DACH1: variants seen among roughly 807,000 people sequenced by gnomAD.
The protein encoded by DACH1 is dachshund family transcription factor 1.
DACH1 carries 12 observed loss-of-function variants against 54.2 expected under a neutral mutation model. That is an observed-to-expected ratio of 0.22 (90% confidence interval 0.14 to 0.36). The LOEUF is 0.36. DACH1 is among the 10% of genes least tolerant of loss of function. DACH1 has a pLI of 1.00. For missense variants in DACH1, 805 were observed against 929.8 expected, an observed-to-expected ratio of 0.87 and a Z score of 1.75; for synonymous variants, 386 against 366.2, an observed-to-expected ratio of 1.05 and a Z score of -0.62.
intron 1 of DACH1, among the ~76,000 whole-genome samples, chr13:71,865,626 C>T (rs1874688882): frequency 6.6e-6 from 1 of 152,268 alleles, no homozygotes; most frequent in East Asian, 2.0e-4. Context: ...TCCTCCCTCT[C>T]GTCCCCTCCG....
chr13:71,590,269 G>A (rs1050250307), intron 3 of DACH1, among the ~76,000 whole-genome samples: 5 of 152,004 alleles, frequency 3.3e-5, no homozygotes, highest in Admixed American at 2.0e-4. Context: ...TAAGAAGAGG[G>A]TCAAAGGAAA....
chr13:71,760,397 A>T (rs1885355535), intron 1 of DACH1, among the ~76,000 whole-genome samples: 2 of 152,216 alleles, frequency 1.3e-5, no homozygotes, highest in African/African-American at 4.8e-5. Flanking sequence ...GACAGGCAGA[A>T]ACACACTCAC....
At chr13:71,848,800 C>T (rs9572803) in intron 1 of DACH1, among the ~76,000 whole-genome samples, 14,319 of 152,164 alleles carry the variant, frequency 0.094, 1,396 homozygotes, top group East Asian at 0.57. Context: ...GCTGGGATTA[C>T]AGGTGTGAGC....
In DACH1 at chr13:71,457,760, G is replaced by T. The variant is rs150508788; in HGVS notation, c.2084-17068C>A. ...TAATAAAATCAAGATTATGCAAAGAGATTCTATATTTTCAATATAAGAGAT... is the reference window on the plus strand; with the variant it reads ...TAATAAAATCAAGATTATGCAAAGATATTCTATATTTTCAATATAAGAGAT... On this transcript the variant is annotated intron_variant, in intron 10 of 10. Transcript: ENST00000613252. Among the ~76,000 whole-genome samples the T allele has an allele frequency of 1.3e-3, 201 of 152,064 alleles. 2 individuals carry two copies. In the East Asian group the frequency reaches 0.031, roughly 23 times the overall value.
intron 2 of DACH1, among the ~76,000 whole-genome samples, chr13:71,672,456 AC>A (rs1422995717): frequency 6.6e-6 from 1 of 152,122 alleles, no homozygotes; most frequent in East Asian, 1.9e-4. Context: ...AAGTTCTGAA[AC>A]TTATCCCCAA....
At chr13:71,570,185 T>C (rs1885112120) in intron 4 of DACH1, among the ~76,000 whole-genome samples, 1 of 152,208 alleles carries the variant, frequency 6.6e-6, no homozygotes, top group Non-Finnish European at 1.5e-5. Context: ...TTAGAACTTC[T>C]TGGAGGACCT....
intron 1 of DACH1, among the ~76,000 whole-genome samples, chr13:71,825,590 C>T (rs1375013811): frequency 1.3e-5 from 2 of 151,982 alleles, no homozygotes; most frequent in Non-Finnish European, 2.9e-5. Context: ...TCACTTAGCG[C>T]AATGTTTTCA....
chr13:71,816,581 CGTATAT>C (rs1887935908), intron 1 of DACH1, among the ~76,000 whole-genome samples: 2 of 122,702 alleles, frequency 1.6e-5, no homozygotes, highest in African/African-American at 6.3e-5. Context: ...TATATATACA[CGTATAT>C]ATATACACAC....
intron 1 of DACH1, among the ~76,000 whole-genome samples, chr13:71,815,215 T>C (rs1328571591): frequency 6.6e-6 from 1 of 152,038 alleles, no homozygotes; most frequent in South Asian, 2.1e-4. Flanking sequence ...GCAACCTTTA[T>C]GCTAATGTCC....
chr13:71,562,753 T>G (rs573568206), intron 4 of DACH1, among the ~76,000 whole-genome samples: 1 of 152,244 alleles, frequency 6.6e-6, no homozygotes, highest in Admixed American at 6.5e-5. Flanking sequence ...CAAAACTTAC[T>G]TCCTGTCTTC....
chr13:71,566,715 C>CT (rs1381107962), intron 4 of DACH1, among the ~76,000 whole-genome samples: 3 of 151,888 alleles, frequency 2.0e-5, no homozygotes, highest in African/African-American at 7.3e-5. Context: ...GTAATACTTT[C>CT]TTTTTTAGGT....
chr13:71,750,122 G>A (rs546114096), intron 1 of DACH1, among the ~76,000 whole-genome samples: 88 of 152,018 alleles, frequency 5.8e-4, no homozygotes, highest in African/African-American at 2.1e-3. Context: ...CTCTTTCTCC[G>A]CCTGGAACAT....
intron 6 of DACH1, among the ~76,000 whole-genome samples, chr13:71,502,263 G>C (rs1207897853): frequency 6.6e-6 from 1 of 152,056 alleles, no homozygotes; most frequent in Non-Finnish European, 1.5e-5. Context: ...ATACACTTAT[G>C]ATTATTTGTG....
intron 1 of DACH1, among the ~76,000 whole-genome samples, chr13:71,760,414 G>A (rs1182604778): frequency 2.6e-5 from 4 of 152,146 alleles, no homozygotes; most frequent in African/African-American, 4.8e-5. Context: ...TCACTTGCTC[G>A]TTCATTCTCA....
chr13:71,732,036 C>A (rs1198098322), intron 1 of DACH1, among the ~76,000 whole-genome samples: 1 of 152,144 alleles, frequency 6.6e-6, no homozygotes, highest in African/African-American at 2.4e-5. Flanking sequence ...ATACATTGAC[C>A]TTTATAAAAC....
chr13:71,643,060 A>G (rs1878024808), intron 2 of DACH1, among the ~76,000 whole-genome samples: 1 of 152,060 alleles, frequency 6.6e-6, no homozygotes, highest in South Asian at 2.1e-4. Flanking sequence ...TAATATTATT[A>G]TATTTTATTA....
intron 6 of DACH1, among the ~76,000 whole-genome samples, chr13:71,511,408 G>T (rs1418742501): frequency 6.6e-6 from 1 of 151,844 alleles, no homozygotes; most frequent in Non-Finnish European, 1.5e-5. Flanking sequence ...TTAAACAAAC[G>T]AGGAAATTAG....
At chr13:71,543,842 C>T (rs1478269261) in intron 6 of DACH1, among the ~76,000 whole-genome samples, 2 of 152,120 alleles carry the variant, frequency 1.3e-5, no homozygotes, top group African/African-American at 4.8e-5. Flanking sequence ...TGATCCTTAG[C>T]CGTAGATTTA....
rs147925162 is a variant in DACH1 at position 71,470,704 on chromosome 13, T to A, written c.2083+4437A>T. On this transcript the variant is annotated intron_variant, in intron 10 of 10. Transcript: ENST00000613252. ...CCAAAGTCTGAGAAATGTCAGAACA[T>A]TAAGGATCTTCATATCCACAAGATC... 4.4e-3 allele frequency among the ~76,000 whole-genome samples: 671 copies of A among 152,254 alleles called. 4 individuals carry two copies. The highest frequency in any genetic ancestry group is 0.016 in the African/African-American group (650 of 41,552).
Sources: gnomAD v4.1 joint callset for allele counts (sites outside exome capture counted in the v4.1 genomes callset) on GRCh38, gnomAD v4.1.1 for gene constraint, MANE v1.5 for transcripts, NCBI Gene and HGNC (gene_info 2026-07-23, HGNC 2026-07-21) for gene names.